RBFOX3: variants seen among roughly 807,000 people sequenced by gnomAD.
RBFOX3 encodes the protein RNA binding protein fox-1 homolog 3.
In RBFOX3, 17 loss-of-function variants were observed where a neutral mutation model predicts 48.7. The ratio of observed to expected loss-of-function variants is 0.35; its 90% confidence interval spans 0.24 to 0.52. RBFOX3 has a LOEUF of 0.52. RBFOX3 is among the 20% of genes least tolerant of loss of function. RBFOX3 has a pLI of 0.94. For synonymous variants in RBFOX3, 212 were observed against 209.5 expected (o/e 1.01, Z -0.10); for missense variants, 382 against 497.5 (o/e 0.77, Z 2.21).
intron 2 of RBFOX3, among the ~76,000 whole-genome samples, chr17:79,372,070 C>T (rs748584010): frequency 2.0e-5 from 3 of 152,058 alleles, no homozygotes; most frequent in African/African-American, 7.2e-5. Context: ...GGGCCTAGCA[C>T]GGTGAATGCA....
At chr17:79,166,152 TCC>T (rs11286272) in intron 4 of RBFOX3, among the ~76,000 whole-genome samples, 2 of 151,540 alleles carry the variant, frequency 1.3e-5, no homozygotes, top group African/African-American at 2.4e-5. Flanking sequence ...CCCCTCCTGT[TCC>T]CCCCCCGGGC....
At chr17:79,301,390 G>A (rs2075290797) in intron 3 of RBFOX3, among the ~76,000 whole-genome samples, 1 of 152,232 alleles carries the variant, frequency 6.6e-6, no homozygotes, top group Admixed American at 6.5e-5. Flanking sequence ...TAAGCCTTGT[G>A]CAGCACCAGC....
intron 1 of RBFOX3, chr17:79,601,371 G>A (rs1193001293): frequency 6.6e-6 from 1 of 152,288 alleles, no homozygotes; most frequent in Non-Finnish European, 1.5e-5. Flanking sequence ...CAGGCCAGGG[G>A]CCACATAGCC....
In RBFOX3 at chr17:79,537,122, A is replaced by G. The variant is rs10048201; in HGVS notation, c.-319-54524T>C. ...CAAAACAAACAAACAAAAAACAAAAAAAAAAAAAACCAAAAAAGCAACACA... is the reference window on the plus strand; with the variant it reads ...CAAAACAAACAAACAAAAAACAAAAGAAAAAAAAACCAAAAAAGCAACACA... On this transcript the variant is annotated intron_variant, in intron 1 of 14. Transcript: ENST00000693108. Among the ~76,000 whole-genome samples the G allele has an allele frequency of 1.0e-3, 102 of 99,752 alleles. 1 individual carries two copies. Among genetic ancestry groups the G allele is most frequent in the African/African-American group, 4.1e-3 (95 of 23,396 alleles). The allele number at this position is 99,752 out of a possible 152,430, so 65.4% of individuals were successfully genotyped here. A position where few individuals can be genotyped will look rare whatever the true frequency, so the allele number is the denominator to read the frequency against.
chr17:79,621,880 G>A, the RBFOX3 span, among the ~76,000 whole-genome samples: 1 of 151,844 alleles, frequency 6.6e-6, no homozygotes, highest in African/African-American at 2.4e-5. Context: ...CATCATACAA[G>A]ATCGAGCGTG....
intron 2 of RBFOX3, among the ~76,000 whole-genome samples, chr17:79,468,778 TA>T (rs1555755228): frequency 6.6e-4 from 98 of 149,360 alleles, no homozygotes; most frequent in African/African-American, 2.2e-3. Context: ...GATAGATAGA[TA>T]GATAGGAAGA....
chr17:79,378,709 T>G (rs1002861002), intron 2 of RBFOX3, among the ~76,000 whole-genome samples: 3 of 152,202 alleles, frequency 2.0e-5, no homozygotes, highest in African/African-American at 7.2e-5. Flanking sequence ...CTGTGTCCCA[T>G]GTTAATGCAG....
At chr17:79,660,409 G>T in the RBFOX3 span, among the ~76,000 whole-genome samples, 1 of 152,062 alleles carries the variant, frequency 6.6e-6, no homozygotes, top group East Asian at 1.9e-4. Flanking sequence ...TCTGACAAAG[G>T]TCTGATAGCC....
At chr17:79,574,586 T>C (rs1350213023) in intron 1 of RBFOX3, among the ~76,000 whole-genome samples, 2 of 152,138 alleles carry the variant, frequency 1.3e-5, no homozygotes, top group African/African-American at 4.8e-5. Flanking sequence ...CCATCCTTCT[T>C]CCAGAAAACT....
intron 2 of RBFOX3, among the ~76,000 whole-genome samples, chr17:79,470,933 A>C (rs2076983849): frequency 6.6e-6 from 1 of 152,078 alleles, no homozygotes; most frequent in African/African-American, 2.4e-5. Flanking sequence ...CCTCTCTGTC[A>C]TCCAAGACAG....
intron 2 of RBFOX3, among the ~76,000 whole-genome samples, chr17:79,386,117 T>C (rs1347878826): frequency 6.8e-6 from 1 of 147,222 alleles, no homozygotes; most frequent in Non-Finnish European, 1.5e-5. Flanking sequence ...CTCCATCACC[T>C]CCCATTACAG....
intron 4 of RBFOX3, among the ~76,000 whole-genome samples, chr17:79,176,120 C>T (rs762096243): frequency 3.2e-4 from 49 of 152,298 alleles, no homozygotes; most frequent in Non-Finnish European, 5.7e-4. Flanking sequence ...GAGGAATTTG[C>T]GGAAGGGGGT....
chr17:79,303,139 T>A (rs2075578477), intron 3 of RBFOX3, among the ~76,000 whole-genome samples: 1 of 152,078 alleles, frequency 6.6e-6, no homozygotes. Flanking sequence ...GGCCTAGGGG[T>A]AGAGGCTGTA....
At chr17:79,618,509 G>A in the RBFOX3 span, among the ~76,000 whole-genome samples, 6 of 152,184 alleles carry the variant, frequency 3.9e-5, no homozygotes, top group Admixed American at 6.5e-5. Flanking sequence ...AAGGAGGGCC[G>A]TGCTCAGCTT....
chr17:79,181,309 G>A (rs1456893358), intron 4 of RBFOX3, among the ~76,000 whole-genome samples: 1 of 152,214 alleles, frequency 6.6e-6, no homozygotes, highest in Non-Finnish European at 1.5e-5. Context: ...TTCCTGCCAT[G>A]CCTGGGTGGC....
chr17:79,604,460 T>C (rs1386512619), intron 1 of RBFOX3, among the ~76,000 whole-genome samples: 8 of 127,766 alleles, frequency 6.3e-5, no homozygotes, highest in African/African-American at 8.9e-5. Flanking sequence ...AAGCCCTTCT[T>C]GCCATTGCTT....
chr17:79,475,708 G>A (rs2077635489), intron 2 of RBFOX3, among the ~76,000 whole-genome samples: 1 of 152,316 alleles, frequency 6.6e-6, no homozygotes, highest in African/African-American at 2.4e-5. Flanking sequence ...ACACACACAG[G>A]AAGGTCGTGC....
At chr17:79,461,492 T>C (rs1409701674) in intron 2 of RBFOX3, among the ~76,000 whole-genome samples, 1 of 152,198 alleles carries the variant, frequency 6.6e-6, no homozygotes, top group East Asian at 1.9e-4. Context: ...GGTGGAACTA[T>C]ACCATTTTAA....
At chr17:79,355,189 G>A (rs1204908993) in intron 2 of RBFOX3, among the ~76,000 whole-genome samples, 1 of 152,174 alleles carries the variant, frequency 6.6e-6, no homozygotes, top group Non-Finnish European at 1.5e-5. Context: ...TGGGGTCGGG[G>A]GTCCCTGTTC....
Sources: gnomAD v4.1 joint callset for allele counts (sites outside exome capture counted in the v4.1 genomes callset) on GRCh38, gnomAD v4.1.1 for gene constraint, MANE v1.5 for transcripts, NCBI Gene and HGNC (gene_info 2026-07-23, HGNC 2026-07-21) for gene names.